VIPR2: variants seen among roughly 807,000 people sequenced by gnomAD.
VIPR2 encodes the protein vasoactive intestinal peptide receptor 2.
In VIPR2, 48 loss-of-function variants were observed where a neutral mutation model predicts 58.0. The ratio of observed to expected loss-of-function variants is 0.83; its 90% CI spans 0.66 to 1.05. The LOEUF (loss-of-function observed/expected upper bound fraction) is 1.05. VIPR2 is among the 50% of genes least tolerant of loss of function. VIPR2 has a pLI of 0.00. For synonymous variants in VIPR2, 243 were observed against 235.2 expected (o/e 1.03, Z -0.30); for missense variants, 534 against 558.0 (o/e 0.96, Z 0.43).
intron 4 of VIPR2, among the ~76,000 whole-genome samples, chr7:159,089,511 G>A (rs900913009): frequency 3.3e-5 from 5 of 152,192 alleles, no homozygotes; most frequent in African/African-American, 9.7e-5. Context: ...GCAGTGTTGC[G>A]CATTAAATTT....
intron 4 of VIPR2, among the ~76,000 whole-genome samples, chr7:159,090,871 G>C (rs1393632335): frequency 9.7e-4 from 77 of 79,252 alleles, no homozygotes; most frequent in Non-Finnish European, 1.4e-3. Context: ...GACCTCAGCA[G>C]AGACACACTG....
At chr7:159,091,173 G>A (rs756663994) in intron 4 of VIPR2, among the ~76,000 whole-genome samples, 19 of 152,262 alleles carry the variant, frequency 1.2e-4, no homozygotes, top group East Asian at 3.8e-4. Flanking sequence ...CAGGAGCTCC[G>A]TAGAAGCATC....
At chr7:159,082,639 G>A (rs1225963948) in intron 4 of VIPR2, among the ~76,000 whole-genome samples, 2 of 152,228 alleles carry the variant, frequency 1.3e-5, no homozygotes, top group African/African-American at 4.8e-5. Context: ...ATGTTTCTAT[G>A]AGAGAGCAGC....
intron 7 of VIPR2, among the ~76,000 whole-genome samples, chr7:159,036,392 C>G (rs1853959368): frequency 6.6e-6 from 1 of 152,116 alleles, no homozygotes; most frequent in African/African-American, 2.4e-5. Context: ...CCTTTCCAAC[C>G]CTGGGCAAGG....
chr7:159,105,392 C>T (rs1858585114), intron 3 of VIPR2, among the ~76,000 whole-genome samples: 1 of 152,196 alleles, frequency 6.6e-6, no homozygotes, highest in African/African-American at 2.4e-5. Flanking sequence ...TTTTTAATTT[C>T]AAGACAACCC....
In VIPR2 at chr7:159,043,092, G is replaced by A. The variant is rs141543624; in HGVS notation, c.540C>T (p.Asp180=). 61 of 1,614,126 alleles carry A rather than the reference G, an allele frequency of 3.8e-5. 1 individual carries two copies. The highest frequency in any genetic ancestry group is 1.6e-4 in the Middle Eastern group (1 of 6,062). Residue 180 remains aspartate, a synonymous_variant, in exon 6 of 13, where the codon GAC becomes GAT. Transcript: ENST00000262178. ...ILRAISVLVK[D]DVLYSSSGTL... is the part of the protein sequence containing the mutation. ...TGCCAGAGCTGGAGTAGAGAACGTC[G>A]TCCTTGACCAGCACTGAGATGGCTC...
At position 159,098,199 on chromosome 7, in the gene VIPR2, G is replaced by A. The variant is rs74356109; in HGVS notation, c.357+5558C>T. Among the ~76,000 whole-genome samples the A allele has an allele frequency of 0.014, 2,117 of 152,334 alleles. 31 individuals carry two copies. The highest frequency in any genetic ancestry group is 0.034 in the Admixed American group (519 of 15,310). ...AAGAGTTGTGATGGGATGAAGGGCAGGGCAGGGCAGGGCCGGGTGGTCGGG... is the reference window on the plus strand; with the variant it reads ...AAGAGTTGTGATGGGATGAAGGGCAAGGCAGGGCAGGGCCGGGTGGTCGGG... On this transcript the variant is annotated intron_variant, in intron 4 of 12. Coordinates refer to ENST00000262178, the MANE Select transcript of VIPR2 (RefSeq NM_003382.5). The surrounding 1 kb of genome is among the most constrained non-coding windows in gnomAD (Gnocchi z 5.2).
chr7:159,058,633 A>G, intron 4 of VIPR2, 55 bp from the exon 5 acceptor site: 2 of 1,307,866 alleles, frequency 1.5e-6, no homozygotes, highest in Non-Finnish European at 2.2e-6. Flanking sequence ...ACACCAGACA[A>G]CAGGAATGGT....
rs1337911328 is a variant in VIPR2, at chr7:159,098,977, G to A, written c.357+4780C>T. On this transcript the variant is annotated intron_variant, in intron 4 of 12. Transcript: ENST00000262178. This position sits in a 1 kb window ranked among gnomAD's most constrained non-coding sequence, Gnocchi z 5.2. ...CGGTGGGCAGAGCCGGCCCAGGACCGTGCATGTCCACCCCGTGGCTGCCTG... is the reference window on the plus strand; with the variant it reads ...CGGTGGGCAGAGCCGGCCCAGGACCATGCATGTCCACCCCGTGGCTGCCTG... Among the ~76,000 whole-genome samples the A allele has an allele frequency of 6.6e-6, 1 of 152,202 alleles. No homozygotes were observed. Among genetic ancestry groups the A allele is most frequent in the Admixed American group, 6.5e-5 (1 of 15,290 alleles).
chr7:159,043,112 T>C lies in VIPR2; in HGVS notation c.520A>G (p.Ile174Val). ...ACGTCGTCCTTGACCAGCACTGAGA[T>C]GGCTCTCAGGATGAAGGACAGGAAC... ...NLFLSFILRA[I>V]SVLVKDDVLY... is the part of the protein sequence containing the mutation. The change falls in exon 6 of 13, where the codon ATC (isoleucine) becomes GTC (valine). Residue 174 changes from isoleucine to valine, a missense_variant. Ile to Val is a conservative substitution (Grantham distance 29, BLOSUM62 3). Coordinates refer to ENST00000262178, the MANE Select transcript of VIPR2 (RefSeq NM_003382.5). 1 of 1,613,448 alleles carries C rather than the reference T, an allele frequency of 6.2e-7. No homozygotes were observed. Among genetic ancestry groups the C allele is most frequent in the Non-Finnish European group, 8.5e-7 (1 of 1,179,926 alleles).
At chr7:159,049,847 T>C (rs1854880891) in intron 5 of VIPR2, among the ~76,000 whole-genome samples, 1 of 152,158 alleles carries the variant, frequency 6.6e-6, no homozygotes, top group African/African-American at 2.4e-5. Context: ...ACCTGGCTGC[T>C]TGAAACCTGA....
chr7:159,030,795 AG>A lies in VIPR2; in HGVS notation c.1144-7del. The A allele has an allele frequency of 1.3e-6, 2 of 1,565,068 alleles. No homozygotes were observed. The highest frequency in any genetic ancestry group is 2.4e-5 in the East Asian group (1 of 41,904). ...CGCTTCAGCTCGCACTGCACCTGGG[AG>A]GTGAGGGCAGCGGGAACGCCCGTGA... On this transcript the variant is annotated splice_region_variant and splice_polypyrimidine_tract_variant and intron_variant, in intron 12 of 12. Coordinates refer to ENST00000262178, the MANE Select transcript of VIPR2 (RefSeq NM_003382.5).
In VIPR2 at chr7:159,098,645, C is replaced by G. The variant is rs1269434425; in HGVS notation, c.357+5112G>C. Among the ~76,000 whole-genome samples the G allele has an allele frequency of 6.6e-6, 1 of 152,186 alleles. No individual in the cohort carries two copies. Among genetic ancestry groups the G allele is most frequent in the East Asian group, 1.9e-4 (1 of 5,180 alleles). On this transcript the variant is annotated intron_variant, in intron 4 of 12. Transcript: ENST00000262178. This position sits in a 1 kb window ranked among gnomAD's most constrained non-coding sequence, Gnocchi z 5.2. ...GTGCCCAGGGCTGCCCTAGAGCCCT[C>G]TGGTCCGCAGAGCCCTTCTCCTCCC...
chr7:159,119,484 T>C (rs980187264), intron 2 of VIPR2, among the ~76,000 whole-genome samples: 17 of 152,172 alleles, frequency 1.1e-4, no homozygotes, highest in African/African-American at 4.1e-4. Flanking sequence ...CAGACGCAGA[T>C]GCCCAGACCA....
rs1470555163 is a variant in VIPR2, at chr7:159,109,475, G to A, written c.259+337C>T. ...AGAGTGTGCTCTCTGGGGCTCACAG[G>A]CCGACTCAGTGGGAGGAGGGGAGCC... On this transcript the variant is annotated intron_variant, in intron 3 of 12. Coordinates refer to ENST00000262178, the MANE Select transcript of VIPR2 (RefSeq NM_003382.5). Among the ~76,000 whole-genome samples the A allele has an allele frequency of 2.6e-5, 4 of 152,192 alleles. No individual in the cohort carries two copies. In the East Asian group the frequency reaches 7.7e-4, roughly 29 times the overall value.
At chr7:159,049,446 G>A (rs572857394) in intron 5 of VIPR2, among the ~76,000 whole-genome samples, 11 of 152,292 alleles carry the variant, frequency 7.2e-5, no homozygotes, top group African/African-American at 1.7e-4. Context: ...CAGGGCCTCC[G>A]TGGGTATCTG....
intron 5 of VIPR2, among the ~76,000 whole-genome samples, chr7:159,043,973 A>C (rs946566275): frequency 3.3e-5 from 5 of 152,168 alleles, no homozygotes; most frequent in African/African-American, 1.2e-4. Context: ...GGGAACCCAG[A>C]AATCCAGGTG....
rs114336052 is a variant in VIPR2 at position 159,042,962 on chromosome 7, G to A, written c.597+73C>T. On this transcript the variant is annotated intron_variant, in intron 6 of 12. Transcript: ENST00000262178. ...AGGAACCCTGCACCAGCACAGAGAC[G>A]TCCTCATCGTGAGAAGAGGGAACAG... The A allele has an allele frequency of 1.4e-3, 2,101 of 1,539,968 alleles. 23 individuals carry two copies. The African/African-American group carries it at 0.024, about 17-fold the overall frequency.
At chr7:159,053,644 T>A (rs1855134685) in intron 5 of VIPR2, among the ~76,000 whole-genome samples, 1 of 152,214 alleles carries the variant, frequency 6.6e-6, no homozygotes, top group East Asian at 1.9e-4. Flanking sequence ...GCTCAAGTGA[T>A]TCTTCCACCC....
Sources: gnomAD v4.1 joint callset for allele counts (sites outside exome capture counted in the v4.1 genomes callset) on GRCh38, gnomAD v4.1.1 for gene constraint, Gnocchi (gnomAD v3.1) non-coding constraint, MANE v1.5 for transcripts, NCBI Gene and HGNC (gene_info 2026-07-23, HGNC 2026-07-21) for gene names.